ELL: variants seen among roughly 807,000 people sequenced by gnomAD.
The protein encoded by ELL is RNA polymerase II elongation factor ELL.
Under a neutral mutation model 64.0 loss-of-function variants are expected in ELL, and 18 were observed. The observed-to-expected ratio is 0.28, with a 90% CI of 0.19 to 0.42. The LOEUF is 0.42. Ranked by LOEUF, ELL falls within the 10% of genes least tolerant of loss-of-function variation. ELL has a pLI of 1.00. For synonymous variants in ELL, 399 were observed against 376.2 expected, an observed-to-expected ratio of 1.06 and a Z score of -0.70; for missense variants, 797 against 870.4, an observed-to-expected ratio of 0.92 and a Z score of 1.06.
At chr19:18,514,500 T>A (rs4808813) in intron 1 of ELL, among the ~76,000 whole-genome samples, 1 of 130,486 alleles carries the variant, frequency 7.7e-6, no homozygotes. Context: ...GGCAACAGAG[T>A]GAGACTCCAT....
intron 8 of ELL, among the ~76,000 whole-genome samples, chr19:18,447,059 C>T (rs10415054): frequency 0.017 from 2,664 of 152,296 alleles, 88 homozygotes; most frequent in African/African-American, 0.06. Flanking sequence ...CCTGCGTGTC[C>T]AGGGCAAAGC....
chr19:18,492,321 G>A (rs575223203), intron 1 of ELL, among the ~76,000 whole-genome samples: 3 of 152,322 alleles, frequency 2.0e-5, no homozygotes, highest in Admixed American at 1.3e-4. Flanking sequence ...GTGCAAGGAC[G>A]GCCATTCCTG....
Position 18,450,784 on chromosome 19 carries a change from C to A in ELL, c.1158G>T (p.Pro386=). ...DTLSSSTHLP[P]RLEPPRAHDP... ...CGTGGGCCCTCGGGGGCTCCAGCCGCGGGGGCAGGTGAGTGCTGGAGCTGA... is the reference window on the plus strand; with the variant it reads ...CGTGGGCCCTCGGGGGCTCCAGCCGAGGGGGCAGGTGAGTGCTGGAGCTGA... The change falls in exon 8 of 12, where the codon CCG becomes CCT. Residue 386 remains proline (P), a synonymous_variant. Coordinates refer to ENST00000262809, the MANE Select transcript of ELL (RefSeq NM_006532.4). The A allele has an allele frequency of 6.3e-7, 1 of 1,579,298 alleles. No homozygotes were observed. The highest frequency in any genetic ancestry group is 8.6e-7 in the Non-Finnish European group (1 of 1,162,776).
At chr19:18,492,500 C>T (rs1011782393) in intron 1 of ELL, among the ~76,000 whole-genome samples, 2 of 152,252 alleles carry the variant, frequency 1.3e-5, no homozygotes, top group Admixed American at 6.5e-5. Context: ...CCAACGATGG[C>T]TGTGCTGCTA....
chr19:18,503,595 A>C (rs1975824790), intron 1 of ELL, among the ~76,000 whole-genome samples: 1 of 152,220 alleles, frequency 6.6e-6, no homozygotes, highest in South Asian at 2.1e-4. Flanking sequence ...CCAGACACCC[A>C]GAGCTCAGGG....
chr19:18,457,451 G>A (rs1471859943), intron 6 of ELL, among the ~76,000 whole-genome samples: 2 of 152,206 alleles, frequency 1.3e-5, no homozygotes, highest in African/African-American at 4.8e-5. Flanking sequence ...GGACAGGCAG[G>A]CACTACCCTC....
chr19:18,506,254 T>G (rs1051681963), intron 1 of ELL, among the ~76,000 whole-genome samples: 2 of 152,232 alleles, frequency 1.3e-5, no homozygotes, highest in Non-Finnish European at 2.9e-5. Flanking sequence ...GCCTGGGCCC[T>G]GTCTCCCGCA....
intron 1 of ELL, among the ~76,000 whole-genome samples, chr19:18,506,822 T>TC (rs1975893011): frequency 6.6e-6 from 1 of 152,156 alleles, no homozygotes; most frequent in African/African-American, 2.4e-5. Flanking sequence ...GAGGGAACTC[T>TC]CCCCACAGAG....
Position 18,467,632 on chromosome 19 carries a change from CA to C in ELL, c.184-1715del, listed in dbSNP as rs1341039841. 2.2e-3 allele frequency among the ~76,000 whole-genome samples: 8 copies of C among 3,666 alleles called. No homozygotes were observed. In the African/African-American group the frequency reaches 0.076, roughly 35 times the overall value. 2.4% of individuals were successfully genotyped at this position (3,666 alleles called of 152,430 possible). ...TCCCCACCCGCCCCCACCACACAACCACACACACACACACACACACACACAC... is the reference window on the plus strand; with the variant it reads ...TCCCCACCCGCCCCCACCACACAACCCACACACACACACACACACACACAC... On this transcript the variant is annotated intron_variant, in intron 2 of 11. Transcript: ENST00000262809.
At chr19:18,474,601 G>A (rs1434255047) in intron 1 of ELL, among the ~76,000 whole-genome samples, 1 of 152,220 alleles carries the variant, frequency 6.6e-6, no homozygotes, top group Non-Finnish European at 1.5e-5. Flanking sequence ...GGTGCAACAC[G>A]TCCATGGCCC....
At chr19:18,510,252 C>T (rs997897935) in intron 1 of ELL, among the ~76,000 whole-genome samples, 4 of 152,214 alleles carry the variant, frequency 2.6e-5, no homozygotes, top group African/African-American at 9.7e-5. Context: ...AGCCTGTAAT[C>T]CCAGCTAATT....
At chr19:18,515,535 C>T (rs949598922) in intron 1 of ELL, among the ~76,000 whole-genome samples, 1 of 152,262 alleles carries the variant, frequency 6.6e-6, no homozygotes, top group African/African-American at 2.4e-5. Flanking sequence ...GCTCCCACCA[C>T]GGGGAAGATG....
In ELL at chr19:18,446,726, C is replaced by G. The variant is rs751171811; in HGVS notation, c.1532+22G>C. The G allele has an allele frequency of 6.8e-6, 11 of 1,613,598 alleles. No homozygotes were observed. The Admixed American group carries it at 1.8e-4, about 27-fold the overall frequency. On this transcript the variant is annotated intron_variant, in intron 9 of 11. Transcript: ENST00000262809. Reference sequence around the variant, plus strand: ...ACCCAGAAAAGGGAGGCCTGGCCTGCAGGGCCCAGACAAACACTCACAGCA... The same window carrying G: ...ACCCAGAAAAGGGAGGCCTGGCCTGGAGGGCCCAGACAAACACTCACAGCA...
chr19:18,445,607 A>C (rs113465793), intron 10 of ELL, among the ~76,000 whole-genome samples: 22,558 of 151,512 alleles, frequency 0.15, 1,788 homozygotes, highest in South Asian at 0.24. Context: ...TGCCCCAAGA[A>C]CCCGTGGCTC....
At chr19:18,472,030 T>C (rs1194140993) in intron 2 of ELL, among the ~76,000 whole-genome samples, 1 of 152,024 alleles carries the variant, frequency 6.6e-6, no homozygotes, top group African/African-American at 2.4e-5. Context: ...TGGTGCGATC[T>C]CGGCTCACTG....
chr19:18,452,150 C>A (rs1974553656), intron 6 of ELL, among the ~76,000 whole-genome samples: 1 of 152,180 alleles, frequency 6.6e-6, no homozygotes, highest in Admixed American at 6.6e-5. Flanking sequence ...GTGCATGCCC[C>A]TTCTCCCGCT....
intron 1 of ELL, among the ~76,000 whole-genome samples, chr19:18,520,363 G>A (rs1288683650): frequency 6.6e-6 from 1 of 152,182 alleles, no homozygotes; most frequent in Non-Finnish European, 1.5e-5. Flanking sequence ...CAGGAAGAGA[G>A]GCTCTGGCTG....
intron 6 of ELL, among the ~76,000 whole-genome samples, chr19:18,454,597 T>A (rs906891219): frequency 1.3e-5 from 2 of 152,094 alleles, no homozygotes; most frequent in East Asian, 3.9e-4. Context: ...TCCCAGTACT[T>A]TGGGAGGCTG....
intron 11 of ELL, 66 bp downstream of exon 11, chr19:18,445,158 G>A (rs1240145733): frequency 1.6e-5 from 25 of 1,598,940 alleles, no homozygotes; most frequent in Non-Finnish European, 2.1e-5. Context: ...GCTGCCCCGG[G>A]CCCACCCTCC....
Sources: gnomAD v4.1 joint callset for allele counts (sites outside exome capture counted in the v4.1 genomes callset) on GRCh38, gnomAD v4.1.1 for gene constraint, MANE v1.5 for transcripts, NCBI Gene and HGNC (gene_info 2026-07-23, HGNC 2026-07-21) for gene names.